SLCO3A1: variants seen among roughly 807,000 people sequenced by gnomAD.
The protein encoded by SLCO3A1 is PGE1 transporter.
A neutral mutation model predicts 63.1 loss-of-function variants in SLCO3A1; 27 were observed. That is an observed-to-expected ratio of 0.43 (90% CI 0.32 to 0.59). SLCO3A1 has a LOEUF of 0.59. Ranked by LOEUF, SLCO3A1 falls within the 20% of genes least tolerant of loss-of-function variation. The pLI, the probability that SLCO3A1 is intolerant of heterozygous loss-of-function variation, is 0.09. For missense variants in SLCO3A1, 773 were observed against 945.8 expected (o/e 0.82, Z 2.40); for synonymous variants, 473 against 409.9 (o/e 1.15, Z -1.86).
At chr15:92,128,618 G>A (rs2047955554) in intron 7 of SLCO3A1, 129 bp downstream of exon 7, 2 of 773,234 alleles carry the variant, frequency 2.6e-6, no homozygotes, top group Non-Finnish European at 4.0e-6. Flanking sequence ...TGTAGTGGAA[G>A]ATGTTCCATC....
rs1899663363 is a variant in SLCO3A1, at chr15:91,942,664, A to G, written c.646+26206A>G. Among the ~76,000 whole-genome samples the G allele has an allele frequency of 6.6e-6, 1 of 151,594 alleles. No homozygotes were observed. Among genetic ancestry groups the G allele is most frequent in the Non-Finnish European group, 1.5e-5 (1 of 67,952 alleles). ...AGTGGCCCAATCTCAGCTCACTGCA[A>G]CCTCCACCTCCTGGGTGAAGGTAAT... is the stretch of plus-strand genomic sequence containing the variant. On this transcript the variant is annotated intron_variant, in intron 2 of 9. Coordinates refer to ENST00000318445, the MANE Select transcript of SLCO3A1 (RefSeq NM_013272.4). This position sits in a 1 kb window ranked among gnomAD's most constrained non-coding sequence, Gnocchi z 4.1.
Position 91,883,397 on chromosome 15 carries a change from G to T in SLCO3A1, c.180+29309G>T, listed in dbSNP as rs1428436048. On this transcript the variant is annotated intron_variant, in intron 1 of 9. Coordinates refer to ENST00000318445, the MANE Select transcript of SLCO3A1 (RefSeq NM_013272.4). The surrounding 1 kb of genome is among the most constrained non-coding windows in gnomAD (Gnocchi z 4.8). ...CCTGAGGCTTCTTGGTAGAAGCAGT[G>T]CCAGTTTGGGATCAGAACGTCCAAT... is the stretch of plus-strand genomic sequence containing the variant. Among the ~76,000 whole-genome samples, 1 of 152,154 alleles carries T rather than the reference G, an allele frequency of 6.6e-6. No individual in the cohort carries two copies. The highest frequency in any genetic ancestry group is 1.5e-5 in the Non-Finnish European group (1 of 68,030).
chr15:92,077,505 A>T (rs2047292982), intron 2 of SLCO3A1, among the ~76,000 whole-genome samples: 1 of 152,208 alleles, frequency 6.6e-6, no homozygotes, highest in African/African-American at 2.4e-5. Context: ...CACACCAGTG[A>T]GGCAGGCATT....
At chr15:92,018,962 C>T (rs2046472827) in intron 2 of SLCO3A1, among the ~76,000 whole-genome samples, 1 of 152,078 alleles carries the variant, frequency 6.6e-6, no homozygotes, top group Non-Finnish European at 1.5e-5. Flanking sequence ...GAATTTTTTT[C>T]CCCCCAGGAG....
At chr15:91,896,533 C>T (rs888367294) in intron 1 of SLCO3A1, among the ~76,000 whole-genome samples, 5 of 152,182 alleles carry the variant, frequency 3.3e-5, no homozygotes, top group South Asian at 2.1e-4. Flanking sequence ...TGGGTTTTCC[C>T]GTGCTGTTCT....
intron 2 of SLCO3A1, among the ~76,000 whole-genome samples, chr15:92,072,089 G>C (rs1275011040): frequency 1.3e-5 from 2 of 152,298 alleles, no homozygotes; most frequent in Non-Finnish European, 2.9e-5. Flanking sequence ...GATTCCAATA[G>C]CTTTCCAGTT....
chr15:91,936,078 C>G (rs994075429), intron 2 of SLCO3A1, among the ~76,000 whole-genome samples: 3 of 152,318 alleles, frequency 2.0e-5, no homozygotes. Flanking sequence ...CTAACCCTGA[C>G]TAGCTCTGTA....
chr15:91,957,150 T>TA (rs1174419176), intron 2 of SLCO3A1, among the ~76,000 whole-genome samples: 1 of 38,826 alleles, frequency 2.6e-5, no homozygotes, highest in African/African-American at 2.4e-4. Flanking sequence ...TATTATAATA[T>TA]ATATATATAT....
rs1897612106 is a variant in SLCO3A1 at position 91,882,453 on chromosome 15, G to A, written c.180+28365G>A. Reference sequence around the variant, plus strand: ...AATGAATGATCAAACAGAGGGACATGAAATTTGCTAATACGGTATAGATTT... The same window carrying A: ...AATGAATGATCAAACAGAGGGACATAAAATTTGCTAATACGGTATAGATTT... On this transcript the variant is annotated intron_variant, in intron 1 of 9. Coordinates refer to ENST00000318445, the MANE Select transcript of SLCO3A1 (RefSeq NM_013272.4). This position sits in a 1 kb window ranked among gnomAD's most constrained non-coding sequence, Gnocchi z 4.4. 6.6e-6 allele frequency among the ~76,000 whole-genome samples: 1 copy of A among 152,168 alleles called. No homozygotes were observed. The highest frequency in any genetic ancestry group is 2.4e-5 in the African/African-American group (1 of 41,438).
chr15:91,958,168 C>T (rs74028393), intron 2 of SLCO3A1, among the ~76,000 whole-genome samples: 4,552 of 152,262 alleles, frequency 0.03, 239 homozygotes, highest in African/African-American at 0.1. Context: ...TATGTTGATA[C>T]TAGTCTATGT....
chr15:91,993,503 T>A (rs2046152717), intron 2 of SLCO3A1, among the ~76,000 whole-genome samples: 2 of 152,248 alleles, frequency 1.3e-5, no homozygotes, highest in South Asian at 2.1e-4. Flanking sequence ...GGAACTTGGT[T>A]GGGATGACAT....
At chr15:92,121,544 G>A (rs1325045264) in intron 5 of SLCO3A1, among the ~76,000 whole-genome samples, 1 of 152,198 alleles carries the variant, frequency 6.6e-6, no homozygotes, top group Non-Finnish European at 1.5e-5. Flanking sequence ...TCTAAGTGAT[G>A]TCCAGTATTC....
chr15:91,864,682 G>C (rs1445678576), intron 1 of SLCO3A1, among the ~76,000 whole-genome samples: 1 of 152,078 alleles, frequency 6.6e-6, no homozygotes, highest in Non-Finnish European at 1.5e-5. Context: ...TAGCTCAAGG[G>C]CTTGTGGCAC....
rs1897299805 is a variant in SLCO3A1, at chr15:91,872,292, G to A, written c.180+18204G>A. On this transcript the variant is annotated intron_variant, in intron 1 of 9. Transcript: ENST00000318445. The surrounding 1 kb of genome is among the most constrained non-coding windows in gnomAD (Gnocchi z 4.1). ...TCACGCCTGTAATCCCAGCACTTTG[G>A]GAAGCCAGTGCGGGCAGATCACGAG... Among the ~76,000 whole-genome samples, 1 of 152,194 alleles carries A rather than the reference G, an allele frequency of 6.6e-6. No homozygotes were observed. Among genetic ancestry groups the A allele is most frequent in the East Asian group, 1.9e-4 (1 of 5,184 alleles).
At position 92,128,499 on chromosome 15, in the gene SLCO3A1, T is replaced by A. The variant is rs751402415; in HGVS notation, c.1512+10T>A. The A allele has an allele frequency of 1.3e-5, 21 of 1,567,006 alleles. No individual in the cohort carries two copies. Among genetic ancestry groups the A allele is most frequent in the Non-Finnish European group, 1.5e-5 (18 of 1,164,302 alleles). Reference sequence around the variant, plus strand: ...TGGCTGCAACAGCACGGTAATGGGATGGGGCAGGGGATGGGGCAGGGGATT... The same window carrying A: ...TGGCTGCAACAGCACGGTAATGGGAAGGGGCAGGGGATGGGGCAGGGGATT... On this transcript the variant is annotated intron_variant, in intron 7 of 9. Transcript: ENST00000318445.
intron 4 of SLCO3A1, among the ~76,000 whole-genome samples, chr15:92,113,736 A>C (rs1471340559): frequency 2.0e-5 from 3 of 152,146 alleles, no homozygotes; most frequent in Non-Finnish European, 2.9e-5. Flanking sequence ...TGCTTTTAGA[A>C]GACTCCCAGA....
At chr15:91,861,810 G>T (rs60764210) in intron 1 of SLCO3A1, among the ~76,000 whole-genome samples, 12,877 of 150,140 alleles carry the variant, frequency 0.086, 1,774 homozygotes, top group African/African-American at 0.29. Context: ...TTTTTTTTTT[G>T]GTAGAGATGG....
In SLCO3A1 at chr15:91,897,222, A is replaced by C. The variant is rs2151362401; in HGVS notation, c.181-18771A>C. ...GTAATCCCAGTACTTTGAGAGGCTG[A>C]GGTGGGCAGATCAGGAGTTCAAGAC... On this transcript the variant is annotated intron_variant, in intron 1 of 9. Coordinates refer to ENST00000318445, the MANE Select transcript of SLCO3A1 (RefSeq NM_013272.4). This position sits in a 1 kb window ranked among gnomAD's most constrained non-coding sequence, Gnocchi z 4.7. Among the ~76,000 whole-genome samples, 1 of 152,254 alleles carries C rather than the reference A, an allele frequency of 6.6e-6. No individual in the cohort carries two copies. The highest frequency in any genetic ancestry group is 2.4e-5 in the African/African-American group (1 of 41,548).
chr15:91,994,327 T>C (rs536308977), intron 2 of SLCO3A1, among the ~76,000 whole-genome samples: 1 of 151,516 alleles, frequency 6.6e-6, no homozygotes, highest in South Asian at 2.1e-4. Flanking sequence ...AAATTTTGTC[T>C]TTTTTTTTGT....
Sources: gnomAD v4.1 joint callset for allele counts (sites outside exome capture counted in the v4.1 genomes callset) on GRCh38, gnomAD v4.1.1 for gene constraint, Gnocchi (gnomAD v3.1) non-coding constraint, MANE v1.5 for transcripts, NCBI Gene and HGNC (gene_info 2026-07-23, HGNC 2026-07-21) for gene names.